Variants in POLDIP3 observed in about 807,000 individuals in gnomAD.
POLDIP3 encodes polymerase delta-interacting protein 3.
Under a neutral mutation model 45.1 loss-of-function variants are expected in POLDIP3, and 14 were observed. That is an observed-to-expected ratio of 0.31 (90% CI 0.20 to 0.49). The LOEUF is 0.49. Among genes scored for constraint, POLDIP3 ranks in the 20% least tolerant of loss-of-function variants. The pLI is 0.99. For synonymous variants in POLDIP3, 223 were observed against 205.2 expected, an observed-to-expected ratio of 1.09 and a Z score of -0.74; for missense variants, 511 against 538.8, an observed-to-expected ratio of 0.95 and a Z score of 0.51.
chr22:42,591,309 C>A (rs1925657289), intron 7 of POLDIP3, among the ~76,000 whole-genome samples: 1 of 152,184 alleles, frequency 6.6e-6, no homozygotes, highest in African/African-American at 2.4e-5. Context: ...CTGACTCACC[C>A]AGGGGAGTTC....
At chr22:42,586,776 C>T (rs1359420256) in intron 8 of POLDIP3, among the ~76,000 whole-genome samples, 2 of 152,186 alleles carry the variant, frequency 1.3e-5, no homozygotes, top group Admixed American at 1.3e-4. Context: ...ATCCCACTCA[C>T]CCTGGCAAGT....
intron 3 of POLDIP3, 54 bp downstream of exon 3, chr22:42,601,916 A>G: frequency 1.3e-6 from 2 of 1,582,334 alleles, no homozygotes; most frequent in Non-Finnish European, 1.7e-6. Context: ...GCACACCTAC[A>G]TGTTCGCTAT....
At chr22:42,602,729 T>A (rs764730568) in intron 2 of POLDIP3, 41 bp downstream of exon 2, 7 of 1,552,216 alleles carry the variant, frequency 4.5e-6, no homozygotes, top group Non-Finnish European at 6.1e-6. Flanking sequence ...CTACCTTTGT[T>A]ACTAGCTTTC....
At position 42,584,756 on chromosome 22, in the gene POLDIP3, T is replaced by C. The variant is rs1925186270; in HGVS notation, c.*1035A>G. On this transcript the variant is annotated 3_prime_UTR_variant, in exon 9 of 9. Transcript: ENST00000252115. Reference sequence around the variant, plus strand: ...TCTGGTCATGGATGGATGGGGTCACTCACATAAGTGGGAACAAACAGTGCC... The same window carrying C: ...TCTGGTCATGGATGGATGGGGTCACCCACATAAGTGGGAACAAACAGTGCC... 1 of 374,422 alleles carries C rather than the reference T, an allele frequency of 2.7e-6. No homozygotes were observed. Among genetic ancestry groups the C allele is most frequent in the Admixed American group, 3.4e-5 (1 of 29,022 alleles). The allele number at this position is 374,422 out of a possible 1,614,324, so 23.2% of individuals were successfully genotyped here. A position where few individuals can be genotyped will look rare whatever the true frequency, so the allele number is the denominator to read the frequency against.
intron 1 of POLDIP3, among the ~76,000 whole-genome samples, chr22:42,607,456 T>G (rs2146831809): frequency 6.6e-6 from 1 of 152,338 alleles, no homozygotes; most frequent in South Asian, 2.1e-4. Flanking sequence ...CTCGGCTCGC[T>G]ACAACCTCCA....
chr22:42,597,211 A>G (rs1410828273), intron 4 of POLDIP3, among the ~76,000 whole-genome samples: 2 of 152,162 alleles, frequency 1.3e-5, no homozygotes, highest in Non-Finnish European at 2.9e-5. Flanking sequence ...AATGTGTCTG[A>G]GGAAAAAGGT....
rs1569301978 is a variant in POLDIP3 at position 42,601,965 on chromosome 22, TCTAC to T, written c.537+1_537+4del. 1 of 1,613,704 alleles carries T rather than the reference TCTAC, an allele frequency of 6.2e-7. No individual in the cohort carries two copies. The highest frequency in any genetic ancestry group is 1.3e-5 in the African/African-American group (1 of 74,998). ...CTCTCTCTCTCTCTCACTCACTCACTCTACCTGTTTGGCCTGGTGGTTATTGACA... is the reference window on the plus strand; with the variant it reads ...CTCTCTCTCTCTCTCACTCACTCACTCTGTTTGGCCTGGTGGTTATTGACA... On this transcript the variant is annotated splice_donor_variant and splice_donor_region_variant and intron_variant, in intron 3 of 8. Transcript: ENST00000252115. LOFTEE classifies it high-confidence loss of function.
chr22:42,614,878 G>C lies in POLDIP3; in HGVS notation c.-21C>G, dbSNP rs774110822. 1 of 1,613,696 alleles carries C rather than the reference G, an allele frequency of 6.2e-7. No individual in the cohort carries two copies. The highest frequency in any genetic ancestry group is 1.3e-5 in the African/African-American group (1 of 74,944). ...GCCATCTTGCTCCGCCGAGCAAGCCGAAAGCAGTCGAGACCCCGCGAGCCC... is the reference window on the plus strand; with the variant it reads ...GCCATCTTGCTCCGCCGAGCAAGCCCAAAGCAGTCGAGACCCCGCGAGCCC... On this transcript the variant is annotated 5_prime_UTR_variant, in exon 1 of 9. Coordinates refer to ENST00000252115, the MANE Select transcript of POLDIP3 (RefSeq NM_032311.5).
rs369175063 is a variant in POLDIP3 at position 42,600,551 on chromosome 22, G to C, written c.538-758C>G. Among the ~76,000 whole-genome samples, 41 of 151,656 alleles carry C rather than the reference G, an allele frequency of 2.7e-4. No homozygotes were observed. The South Asian group carries it at 4.6e-3, about 17-fold the overall frequency. On this transcript the variant is annotated intron_variant, in intron 3 of 8. Coordinates refer to ENST00000252115, the MANE Select transcript of POLDIP3 (RefSeq NM_032311.5). ...TGAGGCAGGAGAATGGTGTGAACCC[G>C]GGAGGCGGAGCTTGCAGTGAGCCGA...
At chr22:42,609,442 C>A (rs1341743147) in intron 1 of POLDIP3, among the ~76,000 whole-genome samples, 1 of 152,138 alleles carries the variant, frequency 6.6e-6, no homozygotes, top group East Asian at 1.9e-4. Flanking sequence ...ATACCCCCTA[C>A]GGGAACCTGG....
intron 1 of POLDIP3, among the ~76,000 whole-genome samples, chr22:42,609,063 T>A (rs992669984): frequency 1.3e-5 from 2 of 152,142 alleles, no homozygotes; most frequent in African/African-American, 4.8e-5. Context: ...CTGCCAGGGG[T>A]AGGTCTCTAA....
intron 1 of POLDIP3, among the ~76,000 whole-genome samples, chr22:42,606,123 C>A (rs909382904): frequency 6.6e-6 from 1 of 151,682 alleles, no homozygotes; most frequent in Non-Finnish European, 1.5e-5. Context: ...GCCTGGGCGA[C>A]AGAGCAAGAC....
intron 1 of POLDIP3, among the ~76,000 whole-genome samples, chr22:42,609,438 C>A (rs922298252): frequency 2.0e-5 from 3 of 152,158 alleles, no homozygotes; most frequent in Non-Finnish European, 2.9e-5. Flanking sequence ...CTCTATACCC[C>A]CTACGGGAAC....
intron 6 of POLDIP3, among the ~76,000 whole-genome samples, chr22:42,593,702 A>T (rs1032499023): frequency 2.0e-5 from 3 of 152,146 alleles, no homozygotes; most frequent in African/African-American, 7.2e-5. Context: ...TGTTTTTAGT[A>T]GAGACAGGGT....
At chr22:42,610,570 G>A (rs971568003) in intron 1 of POLDIP3, among the ~76,000 whole-genome samples, 1 of 152,146 alleles carries the variant, frequency 6.6e-6, no homozygotes, top group African/African-American at 2.4e-5. Context: ...AACAAAAGCG[G>A]ACATGTCAAC....
At chr22:42,598,617 C>T (rs1926151271) in intron 4 of POLDIP3, among the ~76,000 whole-genome samples, 1 of 152,092 alleles carries the variant, frequency 6.6e-6, no homozygotes, top group Non-Finnish European at 1.5e-5. Flanking sequence ...ATCTCCTGAC[C>T]TTGTGATCTG....
chr22:42,603,288 G>A (rs775113808), intron 1 of POLDIP3, 128 bp from the exon 2 acceptor site: 3 of 955,096 alleles, frequency 3.1e-6, no homozygotes, highest in Non-Finnish European at 4.6e-6. Context: ...CCTTGCCTGT[G>A]ATTGAATAAA....
chr22:42,597,780 C>CTTTTTTT, intron 4 of POLDIP3: 3 of 391,956 alleles, frequency 7.7e-6, no homozygotes, highest in Non-Finnish European at 1.0e-5. Context: ...TTCACGACCT[C>CTTTTTTT]TTTTTTTTTT....
chr22:42,593,945 G>A (rs892602955), intron 6 of POLDIP3, among the ~76,000 whole-genome samples: 3 of 152,172 alleles, frequency 2.0e-5, no homozygotes, highest in Non-Finnish European at 2.9e-5. Flanking sequence ...CCCATCTCAC[G>A]GCATGCGTGT....
Sources: allele counts gnomAD v4.1 joint callset (sites outside exome capture counted in the v4.1 genomes callset), GRCh38; gene constraint gnomAD v4.1.1; transcripts MANE v1.5; gene names NCBI Gene and HGNC (gene_info 2026-07-23, HGNC 2026-07-21).